The following FASN variants were observed in gnomAD, a reference collection of about 807,000 sequenced individuals.
FASN encodes the protein 3-hydroxyacyl-[acyl-carrier-protein] dehydratase.
A neutral mutation model predicts 250.0 loss-of-function variants in FASN; 50 were observed. That is an observed-to-expected ratio of 0.20 (90% CI 0.16 to 0.25). The LOEUF is 0.25. Among genes scored for constraint, FASN ranks in the 10% least tolerant of loss-of-function variants. The pLI is 1.00. For missense variants in FASN, 3,031 were observed against 3,498.5 expected (o/e 0.87, Z 3.37); for synonymous variants, 1,909 against 1,584.0 (o/e 1.21, Z -4.87).
At chr17:82,092,011 G>T (rs1438829971) in intron 8 of FASN, among the ~76,000 whole-genome samples, 1 of 152,216 alleles carries the variant, frequency 6.6e-6, no homozygotes, top group Non-Finnish European at 1.5e-5. Context: ...GAAGTTGGGG[G>T]GCAGAGGGCG....
intron 2 of FASN, 93 bp downstream of exon 2, chr17:82,096,226 G>C: frequency 6.3e-7 from 1 of 1,585,018 alleles, no homozygotes; most frequent in Non-Finnish European, 8.6e-7. Flanking sequence ...TGCCTGGGTG[G>C]TGAGGACACA....
chr17:82,082,448 C>A (rs116822109), intron 34 of FASN, 34 bp from the exon 35 acceptor site: 2 of 1,611,890 alleles, frequency 1.2e-6, no homozygotes, highest in African/African-American at 2.7e-5. Flanking sequence ...CCCTGCAGCT[C>A]CAGGGCCTCA....
rs920457695 is a variant in FASN, at chr17:82,081,830, C to T, written c.6177G>A (p.Gln2059=). ...TGCCCACGTCGCCGATGGCGCCCCA[C>T]TGCACGGCCAGGCCTGTGGGGGAGG... ...RHEGLPGLAV[Q]WGAIGDVGIL... is the part of the protein sequence containing the mutation. The change falls in exon 37 of 43, where the codon CAG becomes CAA. Residue 2059 remains glutamine (Q), a synonymous_variant. Coordinates refer to ENST00000306749, the MANE Select transcript of FASN (RefSeq NM_004104.5). 10 of 1,608,128 alleles carry T rather than the reference C, an allele frequency of 6.2e-6. No individual in the cohort carries two copies. Among genetic ancestry groups the T allele is most frequent in the Middle Eastern group, 3.4e-4 (2 of 5,928 alleles).
chr17:82,090,158 G>A (rs1315290188), intron 11 of FASN, among the ~76,000 whole-genome samples: 1 of 152,206 alleles, frequency 6.6e-6, no homozygotes, highest in Non-Finnish European at 1.5e-5. Context: ...CAGGCCTGAT[G>A]CCCATGGACA....
chr17:82,080,728 G>T lies in FASN; in HGVS notation c.6790C>A (p.Leu2264Ile). The change falls in exon 39 of 43, where the codon CTC becomes ATC. Residue 2264 changes from leucine to isoleucine, a missense_variant. Coordinates refer to ENST00000306749, the MANE Select transcript of FASN (RefSeq NM_004104.5). ...TGCAGGCCATAGGTGGGGATGCTGAGCCGGGAGGCCAGGCTGTGGAACACG... is the reference window on the plus strand; with the variant it reads ...TGCAGGCCATAGGTGGGGATGCTGATCCGGGAGGCCAGGCTGTGGAACACG... ...TTVFHSLASR[L>I]SIPTYGLQCT... is the part of the protein sequence containing the mutation. The T allele has an allele frequency of 6.2e-7, 1 of 1,601,598 alleles. No individual in the cohort carries two copies. Among genetic ancestry groups the T allele is most frequent in the Non-Finnish European group, 8.5e-7 (1 of 1,175,344 alleles).
intron 40 of FASN, 60 bp from the exon 41 acceptor site, chr17:82,080,298 C>A (rs1338876482): frequency 5.0e-6 from 8 of 1,610,830 alleles, no homozygotes; most frequent in African/African-American, 1.3e-5. Flanking sequence ...AAGCGACGGT[C>A]CCCCAAAGCC....
rs768961380 is a variant in FASN at position 82,091,212 on chromosome 17, G to T, written c.1492+10C>A. On this transcript the variant is annotated intron_variant, in intron 9 of 42. Transcript: ENST00000306749. ...GAAGGGACCACCTTGGGGGCAGAGT[G>T]TGGGCTCACCAGAGCAGATGAACCA... The T allele has an allele frequency of 1.9e-6, 3 of 1,601,444 alleles. No homozygotes were observed. The highest frequency in any genetic ancestry group is 1.7e-4 in the Middle Eastern group (1 of 5,998).
At chr17:82,082,770 C>T (rs2034013930) in intron 33 of FASN, 92 bp from the exon 34 acceptor site, 1 of 1,559,402 alleles carries the variant, frequency 6.4e-7, no homozygotes, top group East Asian at 2.3e-5. Context: ...GCCGCAGAGC[C>T]CCATCCAGCA....
At position 82,087,132 on chromosome 17, in the gene FASN, C is replaced by T. The variant is rs1481274971; in HGVS notation, c.3345G>A (p.Glu1115=). ...CCGTGTGGGGAGTGAAGCAAAACTT[C>T]TCCAGGATGGGCACCTGCTGCTCCT... is the stretch of plus-strand genomic sequence containing the variant. The part of the protein sequence containing the change: ...RQQEQQVPIL[E]KFCFTPHTEE... The change falls in exon 21 of 43, where the codon GAG becomes GAA. Residue 1115 remains glutamate (E), a synonymous_variant. Coordinates refer to ENST00000306749, the MANE Select transcript of FASN (RefSeq NM_004104.5). The T allele has an allele frequency of 1.9e-6, 3 of 1,612,066 alleles. No individual in the cohort carries two copies. Among genetic ancestry groups the T allele is most frequent in the South Asian group, 1.1e-5 (1 of 90,982 alleles).
intron 7 of FASN, 42 bp downstream of exon 7, chr17:82,092,655 G>A (rs568765436): frequency 6.1e-6 from 8 of 1,310,722 alleles, no homozygotes; most frequent in African/African-American, 1.7e-5. Context: ...GCGTAGGTTA[G>A]GCTCATGGGG....
Position 82,084,076 on chromosome 17 carries a change from C to T in FASN, c.4997G>A (p.Arg1666His), listed in dbSNP as rs571435935. The change falls in exon 29 of 43, where the codon CGC (arginine) becomes CAC (histidine). Residue 1666 changes from arginine to histidine, a missense_variant. By Grantham distance (29) the Arg-to-His change is conservative. Transcript: ENST00000306749. ...YYALVVRGRVRPGETLLIHSG... is the reference protein window; with the variant it reads ...YYALVVRGRVHPGETLLIHSG... ...GTGGATGAGCAGCGTCTCCCCGGGG[C>T]GCACCCGCCCACGCACCACCAGCGC... 35 of 1,554,312 alleles carry T rather than the reference C, an allele frequency of 2.3e-5. No individual in the cohort carries two copies. The highest frequency in any genetic ancestry group is 1.1e-4 in the African/African-American group (8 of 73,410).
At position 82,095,451 on chromosome 17, in the gene FASN, C is replaced by A; in HGVS notation, c.149G>T (p.Arg50Leu). 6.2e-7 allele frequency: 1 copy of A among 1,612,642 alleles called. No homozygotes were observed. Among genetic ancestry groups the A allele is most frequent in the Non-Finnish European group, 8.5e-7 (1 of 1,180,002 alleles). ...AGACAGGTCCTTCAGCTTGCCGGAC[C>A]GCCGGGGCAGGCCGTAGAGCCCTGT... The part of the protein sequence containing the change: ...WKAGLYGLPR[R>L]SGKLKDLSRF... Residue 50 changes from arginine to leucine, a missense_variant, in exon 3 of 43, where the codon CGG becomes CTG. Physicochemically the swap from Arg to Leu is moderately radical, Grantham distance 102. Transcript: ENST00000306749.
At position 82,087,390 on chromosome 17, in the gene FASN, G is replaced by A; in HGVS notation, c.3158C>T (p.Thr1053Ile). ...KHGLYLPTRV[T>I]AIHIDPATHR... ...GGTGGCAGGGTCGATGTGGATGGCGGTGACACGGGTGGGCAGGTACAGGCC... is the reference window on the plus strand; with the variant it reads ...GGTGGCAGGGTCGATGTGGATGGCGATGACACGGGTGGGCAGGTACAGGCC... Residue 1053 changes from threonine (T) to isoleucine (I), a missense_variant, in exon 20 of 43, where the codon ACC becomes ATC. Transcript: ENST00000306749. 6.2e-7 allele frequency: 1 copy of A among 1,612,694 alleles called. No homozygotes were observed. Among genetic ancestry groups the A allele is most frequent in the South Asian group, 1.1e-5 (1 of 91,084 alleles).
intron 36 of FASN, 21 bp from the exon 37 acceptor site, chr17:82,081,864 G>A (rs1323769887): frequency 6.3e-7 from 1 of 1,587,330 alleles, no homozygotes. Context: ...GGGGGCAGGT[G>A]GGCAGAGCTG....
intron 41 of FASN, chr17:82,079,882 A>G (rs2033957025): frequency 1.6e-6 from 1 of 625,398 alleles, no homozygotes; most frequent in Admixed American, 2.9e-5. Context: ...TAATTTTTGT[A>G]TTTTTAGTAG....
rs759072039 is a variant in FASN, at chr17:82,093,642, C to T, written c.410G>A (p.Arg137Gln). 12 of 1,612,744 alleles carry T rather than the reference C, an allele frequency of 7.4e-6. No homozygotes were observed. The highest frequency in any genetic ancestry group is 1.1e-5 in the South Asian group (1 of 91,074). ...LVGYSMVGCQ[R>Q]AMMANRLSFF... Reference sequence around the variant, plus strand: ...GGAGAGCCGGTTGGCCATCATCGCTCGCTGGCAGCCCACCATGCTGTAGCC... The same window carrying T: ...GGAGAGCCGGTTGGCCATCATCGCTTGCTGGCAGCCCACCATGCTGTAGCC... The change falls in exon 4 of 43, where the codon CGA becomes CAA. Residue 137 changes from arginine to glutamine, a missense_variant. Coordinates refer to ENST00000306749, the MANE Select transcript of FASN (RefSeq NM_004104.5).
chr17:82,087,424 C>A lies in FASN; in HGVS notation c.3124G>T (p.Ala1042Ser). ...TMLQMSILGS[A>S]KHGLYLPTRV... ...GTGGGCAGGTACAGGCCGTGCTTGGCCGAGCCCAGGATGGACATCTGCAGC... is the reference window on the plus strand; with the variant it reads ...GTGGGCAGGTACAGGCCGTGCTTGGACGAGCCCAGGATGGACATCTGCAGC... Residue 1042 changes from alanine (A) to serine (S), a missense_variant, in exon 20 of 43, where the codon GCC becomes TCC. Transcript: ENST00000306749. The A allele has an allele frequency of 6.2e-7, 1 of 1,612,634 alleles. No individual in the cohort carries two copies. Among genetic ancestry groups the A allele is most frequent in the Non-Finnish European group, 8.5e-7 (1 of 1,179,984 alleles).
chr17:82,093,805 G>T (rs114450136), intron 3 of FASN, 34 bp from the exon 4 acceptor site: 1 of 1,608,762 alleles, frequency 6.2e-7, no homozygotes, highest in Non-Finnish European at 8.5e-7. Flanking sequence ...GCCACGGCCG[G>T]GCCCCACAGC....
intron 22 of FASN, 67 bp from the exon 23 acceptor site, chr17:82,085,938 A>C: frequency 6.9e-7 from 1 of 1,452,900 alleles, no homozygotes; most frequent in Non-Finnish European, 9.1e-7. Context: ...GGCTGGGCAA[A>C]ATGTCCATGA....
Sources: allele counts gnomAD v4.1 joint callset (sites outside exome capture counted in the v4.1 genomes callset), GRCh38; gene constraint gnomAD v4.1.1; transcripts MANE v1.5; gene names NCBI Gene and HGNC (gene_info 2026-07-23, HGNC 2026-07-21).